Variants in ENTPD1 observed in about 807,000 individuals in gnomAD.
The protein encoded by ENTPD1 is ectonucleoside triphosphate diphosphohydrolase 1, also known as ATP diphosphohydrolase.
In ENTPD1, 33 loss-of-function variants were observed where a neutral mutation model predicts 57.0. The observed-to-expected ratio is 0.58, with a 90% CI of 0.44 to 0.77. The LOEUF is 0.77. Among genes scored for constraint, ENTPD1 ranks in the 30% least tolerant of loss-of-function variants. The pLI, the probability that ENTPD1 is intolerant of heterozygous loss-of-function variation, is 0.00. For missense variants in ENTPD1, 501 were observed against 603.4 expected (o/e 0.83, Z 1.78); for synonymous variants, 202 against 218.8 (o/e 0.92, Z 0.68).
At chr10:95,827,736 C>T (rs1284793199) in intron 2 of ENTPD1, among the ~76,000 whole-genome samples, 1 of 152,170 alleles carries the variant, frequency 6.6e-6, no homozygotes, top group Non-Finnish European at 1.5e-5. Context: ...CCCACCTTGG[C>T]CTCCCAAAGT....
Position 95,860,477 on chromosome 10 carries a change from A to G in ENTPD1, c.1083A>G (p.Ser361=), listed in dbSNP as rs1413718519. The part of the protein sequence containing the change: ...PPLQGDFGAF[S]AFYFVMKFLN... ...GCGATTTTCTCTTGTAGGCATTTTCAGCTTTTTACTTTGTGATGAAGTTTT... is the reference window on the plus strand; with the variant it reads ...GCGATTTTCTCTTGTAGGCATTTTCGGCTTTTTACTTTGTGATGAAGTTTT... Residue 361 remains serine (S), a synonymous_variant, in exon 8 of 10, where the codon TCA becomes TCG. Coordinates refer to ENST00000371205, the MANE Select transcript of ENTPD1 (RefSeq NM_001776.6). 2 of 1,612,956 alleles carry G rather than the reference A, an allele frequency of 1.2e-6. No homozygotes were observed. The highest frequency in any genetic ancestry group is 1.3e-5 in the African/African-American group (1 of 74,916).
At chr10:95,737,543 C>T (rs207471286) in intron 1 of ENTPD1, among the ~76,000 whole-genome samples, 1 of 152,026 alleles carries the variant, frequency 6.6e-6, no homozygotes, top group Non-Finnish European at 1.5e-5. Flanking sequence ...TGCCACCACT[C>T]CTGGCTAATT....
intron 1 of ENTPD1, among the ~76,000 whole-genome samples, chr10:95,723,520 G>C (rs1472894561): frequency 1.3e-5 from 2 of 149,338 alleles, no homozygotes; most frequent in Non-Finnish European, 3.0e-5. Flanking sequence ...TCCCTTTGGA[G>C]ATACAACTTG....
chr10:95,844,498 G>A lies in ENTPD1; in HGVS notation c.436G>A (p.Asp146Asn). 6.2e-7 allele frequency: 1 copy of A among 1,614,184 alleles called. No individual in the cohort carries two copies. The highest frequency in any genetic ancestry group is 2.2e-5 in the East Asian group (1 of 44,888). ...LLRMESEELA[D>N]RVLDVVERSL... ...CAGGATGGAAAGTGAAGAGTTGGCA[G>A]ACAGGGTTCTGGATGTGGTGGAGAG... The change falls in exon 5 of 10, where the codon GAC becomes AAC. Residue 146 changes from aspartate to asparagine, a missense_variant. By Grantham distance (23) the Asp-to-Asn change is conservative. Transcript: ENST00000371205.
intron 1 of ENTPD1, among the ~76,000 whole-genome samples, chr10:95,750,438 G>T (rs11188467): frequency 6.6e-6 from 1 of 151,900 alleles, no homozygotes; most frequent in Admixed American, 6.6e-5. Flanking sequence ...TTTCTCTCTC[G>T]TGCTCCCTCT....
intron 1 of ENTPD1, among the ~76,000 whole-genome samples, chr10:95,774,181 G>A (rs550090311): frequency 5.4e-4 from 82 of 152,170 alleles, no homozygotes; most frequent in African/African-American, 1.9e-3. Context: ...CGATGGAGTT[G>A]TTTTTTTCTT....
chr10:95,814,699 G>T (rs1229753615), intron 1 of ENTPD1, among the ~76,000 whole-genome samples: 1 of 152,074 alleles, frequency 6.6e-6, no homozygotes, highest in Non-Finnish European at 1.5e-5. Flanking sequence ...GCTGTGAACC[G>T]AGAATAATTG....
At chr10:95,824,271 A>T (rs2098365463) in intron 2 of ENTPD1, among the ~76,000 whole-genome samples, 2 of 152,364 alleles carry the variant, frequency 1.3e-5, no homozygotes, top group African/African-American at 4.8e-5. Flanking sequence ...CTAGAAGTTA[A>T]CTTGACCATG....
the ENTPD1 span, among the ~76,000 whole-genome samples, chr10:95,704,860 TTATATATATATATG>T: frequency 6.7e-6 from 1 of 149,612 alleles, no homozygotes; most frequent in South Asian, 2.1e-4. Context: ...TGGTAAAATA[TTATATATATATATG>T]TATATATATG....
intron 2 of ENTPD1, chr10:95,839,332 C>T (rs1385344281): frequency 3.1e-6 from 1 of 320,480 alleles, no homozygotes; most frequent in Non-Finnish European, 6.0e-6. Context: ...AGTTTGGGGA[C>T]TATAGATTAA....
At chr10:95,842,837 G>C (rs2098425448) in intron 4 of ENTPD1, among the ~76,000 whole-genome samples, 1 of 152,152 alleles carries the variant, frequency 6.6e-6, no homozygotes, top group Admixed American at 6.5e-5. Flanking sequence ...AGGATAAGAG[G>C]AGACTCATAG....
chr10:95,842,536 C>T (rs1219047644), intron 4 of ENTPD1, 42 bp downstream of exon 4: 1 of 1,596,200 alleles, frequency 6.3e-7, no homozygotes, highest in Non-Finnish European at 8.6e-7. Context: ...GGGAGTTAGG[C>T]TTGGCAGTGA....
chr10:95,833,974 G>A (rs1486240130), intron 2 of ENTPD1, among the ~76,000 whole-genome samples: 1 of 152,196 alleles, frequency 6.6e-6, no homozygotes, highest in Non-Finnish European at 1.5e-5. Context: ...CTGATGCATT[G>A]GTGATGAAGT....
At chr10:95,859,812 A>G (rs1272455784) in intron 7 of ENTPD1, among the ~76,000 whole-genome samples, 10 of 151,932 alleles carry the variant, frequency 6.6e-5, no homozygotes, top group Admixed American at 6.6e-4. Flanking sequence ...AGCAGTTGTC[A>G]CTAAGTAGTA....
intron 4 of ENTPD1, among the ~76,000 whole-genome samples, chr10:95,844,122 T>C (rs1047948241): frequency 6.6e-6 from 1 of 152,166 alleles, no homozygotes; most frequent in East Asian, 1.9e-4. Flanking sequence ...ACACATCAGC[T>C]TCAGGTATGG....
upstream of ENTPD1, among the ~76,000 whole-genome samples, chr10:95,710,820 C>T (rs1186352721): frequency 2.0e-5 from 3 of 152,260 alleles, no homozygotes; most frequent in African/African-American, 7.2e-5. Flanking sequence ...ATGGCAGAAA[C>T]TGTTTATTGC....
intron 1 of ENTPD1, among the ~76,000 whole-genome samples, chr10:95,722,150 A>T (rs2097978173): frequency 6.6e-6 from 1 of 152,142 alleles, no homozygotes; most frequent in Non-Finnish European, 1.5e-5. Context: ...AACAGCTCGA[A>T]CATTTCAGCA....
chr10:95,760,428 C>T (rs2098052398), intron 1 of ENTPD1, among the ~76,000 whole-genome samples: 1 of 152,170 alleles, frequency 6.6e-6, no homozygotes, highest in Admixed American at 6.5e-5. Flanking sequence ...AGTCAACCTA[C>T]TTACATGTCC....
At chr10:95,838,646 G>A (rs1270248856) in intron 2 of ENTPD1, among the ~76,000 whole-genome samples, 1 of 152,122 alleles carries the variant, frequency 6.6e-6, no homozygotes, top group Non-Finnish European at 1.5e-5. Context: ...TGACTGAGAG[G>A]GGCACTGGGA....
Sources: gnomAD v4.1 joint callset for allele counts (sites outside exome capture counted in the v4.1 genomes callset) on GRCh38, gnomAD v4.1.1 for gene constraint, MANE v1.5 for transcripts, NCBI Gene and HGNC (gene_info 2026-07-23, HGNC 2026-07-21) for gene names.